The following CRIM1 variants were observed in gnomAD, a reference collection of about 807,000 sequenced individuals.
The protein encoded by CRIM1 is cysteine rich transmembrane BMP regulator 1.
CRIM1 carries 32 observed loss-of-function variants against 116.4 expected under a neutral mutation model. The ratio of observed to expected loss-of-function variants is 0.27; its 90% CI spans 0.21 to 0.37. The LOEUF (loss-of-function observed/expected upper bound fraction) is 0.37, where lower values mean the gene tolerates loss of function less well. Among genes scored for constraint, CRIM1 ranks in the 10% least tolerant of loss-of-function variants. The pLI, the probability that CRIM1 is intolerant of heterozygous loss-of-function variation, is 1.00. For synonymous variants in CRIM1, 590 were observed against 509.2 expected (o/e 1.16, Z -2.13); for missense variants, 1,331 against 1,354.8 (o/e 0.98, Z 0.28).
intron 8 of CRIM1, among the ~76,000 whole-genome samples, chr2:36,506,883 G>T (rs1681468641): frequency 6.6e-6 from 1 of 151,418 alleles, no homozygotes. Context: ...TTAGACACAG[G>T]TTCTCACCCT....
intron 8 of CRIM1, among the ~76,000 whole-genome samples, chr2:36,506,133 G>GCA (rs142839402): frequency 0.14 from 19,523 of 135,120 alleles, 1,724 homozygotes; most frequent in East Asian, 0.44. Flanking sequence ...ATTGCAGGGT[G>GCA]CACACACACA....
At chr2:36,534,208 T>G (rs1192717584) in intron 13 of CRIM1, among the ~76,000 whole-genome samples, 69 of 62,926 alleles carry the variant, frequency 1.1e-3, no homozygotes, top group Admixed American at 2.6e-3. Context: ...GAGAAAAGGA[T>G]GGGAAAGATA....
intron 13 of CRIM1, among the ~76,000 whole-genome samples, chr2:36,527,897 A>G (rs547524012): frequency 2.6e-5 from 4 of 152,056 alleles, no homozygotes; most frequent in Admixed American, 2.0e-4. Context: ...TGCACATTGG[A>G]AAGAGAACTT....
chr2:36,424,365 C>T (rs1674295145), intron 2 of CRIM1, among the ~76,000 whole-genome samples: 1 of 152,204 alleles, frequency 6.6e-6, no homozygotes, highest in Non-Finnish European at 1.5e-5. Flanking sequence ...AACCGTGTCT[C>T]TCCAGATCTC....
At chr2:36,368,924 T>G (rs956699215) in intron 1 of CRIM1, among the ~76,000 whole-genome samples, 1 of 152,254 alleles carries the variant, frequency 6.6e-6, no homozygotes, top group Non-Finnish European at 1.5e-5. Context: ...GGCTTGCTCT[T>G]TCTTTCCATT....
chr2:36,513,083 G>A (rs1168376708), intron 10 of CRIM1, among the ~76,000 whole-genome samples: 1 of 152,160 alleles, frequency 6.6e-6, no homozygotes, highest in African/African-American at 2.4e-5. Context: ...AAACTGGACA[G>A]TTACCACCTT....
intron 8 of CRIM1, among the ~76,000 whole-genome samples, chr2:36,503,197 C>G (rs1681125506): frequency 6.6e-6 from 1 of 152,174 alleles, no homozygotes; most frequent in South Asian, 2.1e-4. Flanking sequence ...ACTCTCCTCT[C>G]AGGCTCTGCA....
chr2:36,439,757 T>A (rs1675640381), intron 2 of CRIM1, among the ~76,000 whole-genome samples: 1 of 152,192 alleles, frequency 6.6e-6, no homozygotes, highest in African/African-American at 2.4e-5. Flanking sequence ...AGCATTCCAA[T>A]TCCCTCTTAC....
chr2:36,363,155 G>C (rs999426064), intron 1 of CRIM1, among the ~76,000 whole-genome samples: 18 of 146,066 alleles, frequency 1.2e-4, no homozygotes, highest in African/African-American at 4.1e-4. Context: ...AGCTGAAATC[G>C]CACCACTGCA....
chr2:36,413,443 A>G (rs1673362350), intron 2 of CRIM1, among the ~76,000 whole-genome samples: 1 of 152,118 alleles, frequency 6.6e-6, no homozygotes, highest in African/African-American at 2.4e-5. Context: ...TTCACAGTAC[A>G]GTCAACACAG....
At chr2:36,533,443 A>AC (rs1666258066) in intron 13 of CRIM1, among the ~76,000 whole-genome samples, 2 of 144,262 alleles carry the variant, frequency 1.4e-5, no homozygotes, top group East Asian at 2.1e-4. Flanking sequence ...AAAAAAAAAA[A>AC]CCCTAAAAAT....
At chr2:36,495,345 C>G (rs921900175) in intron 7 of CRIM1, among the ~76,000 whole-genome samples, 4 of 152,092 alleles carry the variant, frequency 2.6e-5, no homozygotes, top group Admixed American at 2.0e-4. Flanking sequence ...GTTGCATAGA[C>G]TAGAGAAAAG....
chr2:36,538,618 GC>G (rs1666723256), intron 14 of CRIM1, among the ~76,000 whole-genome samples: 1 of 152,100 alleles, frequency 6.6e-6, no homozygotes, highest in Non-Finnish European at 1.5e-5. Flanking sequence ...TTTTGTTTAG[GC>G]GTTGTGCAGA....
At position 36,441,463 on chromosome 2, in the gene CRIM1, G is replaced by A. The variant is rs563214598; in HGVS notation, c.711G>A (p.Lys237=). The change falls in exon 3 of 17, where the codon AAG becomes AAA. Residue 237 remains lysine (K), a synonymous_variant. Coordinates refer to ENST00000280527, the MANE Select transcript of CRIM1 (RefSeq NM_016441.3). ...LNILVSKASG[K]PGECCDLYEC... ...TACTAGTGTCAAAAGCCTCAGGGAA[G>A]CCGGGAGAGTGCTGTGACCTCTATG... 1.4e-5 allele frequency: 23 copies of A among 1,613,194 alleles called. No homozygotes were observed. In the South Asian group the frequency reaches 2.4e-4, roughly 17 times the overall value.
intron 8 of CRIM1, among the ~76,000 whole-genome samples, chr2:36,503,786 G>A (rs1009893278): frequency 1.3e-5 from 2 of 151,632 alleles, no homozygotes; most frequent in African/African-American, 4.8e-5. Context: ...TTATTTTTCT[G>A]CATCCCATCA....
chr2:36,401,768 C>G (rs1672421770), intron 2 of CRIM1, among the ~76,000 whole-genome samples: 1 of 152,168 alleles, frequency 6.6e-6, no homozygotes, highest in Admixed American at 6.5e-5. Flanking sequence ...AAATGTGAAA[C>G]CATGCCACAT....
rs556867518 is a variant in CRIM1, at chr2:36,519,059, C to T, written c.2206+1517C>T. On this transcript the variant is annotated intron_variant, in intron 12 of 16. Coordinates refer to ENST00000280527, the MANE Select transcript of CRIM1 (RefSeq NM_016441.3). ...GGAGGATTCAAGAACATAGGCAATC[C>T]GGGAAACTAAAGCAGCAAATACCCC... Among the ~76,000 whole-genome samples, 30 of 152,158 alleles carry T rather than the reference C, an allele frequency of 2.0e-4. No individual in the cohort carries two copies. The South Asian group carries it at 3.1e-3, about 16-fold the overall frequency.
At chr2:36,375,015 CA>C (rs1234926279) in intron 1 of CRIM1, among the ~76,000 whole-genome samples, 1 of 150,998 alleles carries the variant, frequency 6.6e-6, no homozygotes, top group Admixed American at 6.6e-5. Flanking sequence ...TTTTTTGTAG[CA>C]TATTATTATA....
intron 1 of CRIM1, among the ~76,000 whole-genome samples, chr2:36,387,345 T>G (rs537860079): frequency 5.9e-5 from 9 of 152,346 alleles, no homozygotes; most frequent in African/African-American, 2.2e-4. Flanking sequence ...TATTAATTTT[T>G]AAGTAAGAGT....
Sources: gnomAD v4.1 joint callset for allele counts (sites outside exome capture counted in the v4.1 genomes callset) on GRCh38, gnomAD v4.1.1 for gene constraint, MANE v1.5 for transcripts, NCBI Gene and HGNC (gene_info 2026-07-23, HGNC 2026-07-21) for gene names.